The following EBF1 variants were observed in gnomAD, a reference collection of about 807,000 sequenced individuals.
EBF1 encodes the protein EBF transcription factor 1, also known as transcription factor COE1.
A neutral mutation model predicts 68.4 loss-of-function variants in EBF1; 10 were observed. That is an observed-to-expected ratio of 0.15 (90% confidence interval 0.09 to 0.25). EBF1 has a LOEUF of 0.25. Among genes scored for constraint, EBF1 ranks in the 10% least tolerant of loss-of-function variants. The probability of loss-of-function intolerance (pLI) is 1.00; values close to 1 mark genes in which losing one functional copy is unlikely to be tolerated. For missense variants in EBF1, 509 were observed against 794.4 expected, an observed-to-expected ratio of 0.64 and a Z score of 4.32; for synonymous variants, 298 against 299.8, an observed-to-expected ratio of 0.99 and a Z score of 0.06.
intron 10 of EBF1, among the ~76,000 whole-genome samples, chr5:158,767,101 ATAAATAGTTCATGTCCC>A (rs1279177702): frequency 1.3e-5 from 2 of 152,192 alleles, no homozygotes; most frequent in Non-Finnish European, 2.9e-5. Flanking sequence ...AAGCCATGTG[ATAAATAGTTCATGTCCC>A]TTAATAACCA....
intron 11 of EBF1, among the ~76,000 whole-genome samples, chr5:158,720,023 C>T (rs1761596731): frequency 6.6e-6 from 1 of 152,156 alleles, no homozygotes; most frequent in Non-Finnish European, 1.5e-5. Context: ...CCCTGATACC[C>T]ATTTATCACC....
rs1488265048 is a variant in EBF1 at position 158,841,692 on chromosome 5, C to G, written c.555-1582G>C. On this transcript the variant is annotated intron_variant, in intron 6 of 15. Transcript: ENST00000313708. ...GATCCTCTATAACAACAGCACTGCACGAAGACATACAGAGTTCAGCCAATT... is the reference window on the plus strand; with the variant it reads ...GATCCTCTATAACAACAGCACTGCAGGAAGACATACAGAGTTCAGCCAATT... Among the ~76,000 whole-genome samples, 15 of 152,192 alleles carry G rather than the reference C, an allele frequency of 9.9e-5. No homozygotes were observed. In the East Asian group the frequency reaches 1.2e-3, roughly 12 times the overall value.
intron 7 of EBF1, among the ~76,000 whole-genome samples, chr5:158,824,154 G>T (rs553503555): frequency 1.3e-5 from 2 of 152,278 alleles, no homozygotes; most frequent in Non-Finnish European, 2.9e-5. Flanking sequence ...GTTTATTCAT[G>T]CGACCTCTTA....
chr5:159,071,615 C>T (rs1194777191), intron 6 of EBF1, among the ~76,000 whole-genome samples: 2 of 152,052 alleles, frequency 1.3e-5, no homozygotes, highest in Admixed American at 6.6e-5. Flanking sequence ...CTTATGCCAT[C>T]GCAACCCACA....
chr5:158,833,507 C>A (rs1409447606), intron 7 of EBF1, among the ~76,000 whole-genome samples: 1 of 152,124 alleles, frequency 6.6e-6, no homozygotes, highest in Non-Finnish European at 1.5e-5. Flanking sequence ...ACAGCTAGAC[C>A]ATGCAAGCCT....
chr5:158,696,509 G>A lies in EBF1; in HGVS notation c.*2602C>T, dbSNP rs2127448798. 4.5e-6 allele frequency: 1 copy of A among 224,710 alleles called. No homozygotes were observed. The highest frequency in any genetic ancestry group is 2.2e-5 in the African/African-American group (1 of 44,820). The allele number at this position is 224,710 out of a possible 1,614,324, so 13.9% of individuals were successfully genotyped here. Reference sequence around the variant, plus strand: ...TTCATTCCTTCAGAAACAGTTAAGGGGCTCACCAGATAAAATATGGCTTTA... The same window carrying A: ...TTCATTCCTTCAGAAACAGTTAAGGAGCTCACCAGATAAAATATGGCTTTA... On this transcript the variant is annotated 3_prime_UTR_variant, in exon 16 of 16. Coordinates refer to ENST00000313708, the MANE Select transcript of EBF1 (RefSeq NM_024007.5).
chr5:158,921,582 C>A (rs1207270979), intron 6 of EBF1, among the ~76,000 whole-genome samples: 1 of 152,192 alleles, frequency 6.6e-6, no homozygotes, highest in African/African-American at 2.4e-5. Context: ...TTTGTATCAC[C>A]TAATGCAATC....
At chr5:158,838,857 A>T (rs1052605487) in intron 7 of EBF1, among the ~76,000 whole-genome samples, 1 of 150,292 alleles carries the variant, frequency 6.7e-6, no homozygotes. Flanking sequence ...CGTTGCTCTG[A>T]CAGGGAAACT....
chr5:158,787,828 C>G (rs947640430), intron 9 of EBF1, among the ~76,000 whole-genome samples: 2 of 152,218 alleles, frequency 1.3e-5, no homozygotes, highest in African/African-American at 4.8e-5. Context: ...ACTTCTATTA[C>G]TACTCAATCT....
intron 6 of EBF1, among the ~76,000 whole-genome samples, chr5:159,002,670 T>C (rs970660964): frequency 6.6e-6 from 1 of 152,204 alleles, no homozygotes; most frequent in Non-Finnish European, 1.5e-5. Context: ...TTTTTATATA[T>C]ATAGAAAAGG....
chr5:158,831,528 A>G (rs1474037948), intron 7 of EBF1, among the ~76,000 whole-genome samples: 2 of 152,196 alleles, frequency 1.3e-5, no homozygotes, highest in African/African-American at 4.8e-5. Context: ...GTAAGCAATA[A>G]AAGCAAATTT....
At chr5:158,709,089 T>G (rs930977631) in intron 14 of EBF1, among the ~76,000 whole-genome samples, 4 of 152,210 alleles carry the variant, frequency 2.6e-5, no homozygotes, top group African/African-American at 9.6e-5. Context: ...ATCTCTCGGT[T>G]ACTTTAGGAG....
At chr5:159,087,293 C>CAT (rs1344690761) in intron 4 of EBF1, among the ~76,000 whole-genome samples, 2 of 139,220 alleles carry the variant, frequency 1.4e-5, no homozygotes, top group South Asian at 2.3e-4. Flanking sequence ...TATATATACA[C>CAT]ATATATATAT....
At chr5:158,951,582 TAATGGCAGTCA>T (rs1447150593) in intron 6 of EBF1, among the ~76,000 whole-genome samples, 1 of 152,192 alleles carries the variant, frequency 6.6e-6, no homozygotes, top group Non-Finnish European at 1.5e-5. Flanking sequence ...CCATTAATAG[TAATGGCAGTCA>T]AATGCAAAAT....
intron 6 of EBF1, among the ~76,000 whole-genome samples, chr5:158,900,240 G>A (rs1803009557): frequency 6.6e-6 from 1 of 152,212 alleles, no homozygotes; most frequent in Non-Finnish European, 1.5e-5. Context: ...GGATCCAAGA[G>A]GCATATGTGA....
At chr5:158,890,775 G>A (rs932439215) in intron 6 of EBF1, among the ~76,000 whole-genome samples, 1 of 152,152 alleles carries the variant, frequency 6.6e-6, no homozygotes, top group Non-Finnish European at 1.5e-5. Flanking sequence ...ACTTGGGAAT[G>A]GATCACTTTT....
chr5:158,868,295 T>A (rs1418984064), intron 6 of EBF1, among the ~76,000 whole-genome samples: 2 of 152,190 alleles, frequency 1.3e-5, no homozygotes, highest in African/African-American at 4.8e-5. Context: ...TTTCAACTTA[T>A]GTGTTAGAGA....
At chr5:158,751,502 T>G (rs1162409637) in intron 10 of EBF1, among the ~76,000 whole-genome samples, 1 of 152,064 alleles carries the variant, frequency 6.6e-6, no homozygotes, top group Non-Finnish European at 1.5e-5. Flanking sequence ...TTAAAAGACA[T>G]ACGTAGTTAT....
At chr5:158,940,642 G>C (rs1274802862) in intron 6 of EBF1, among the ~76,000 whole-genome samples, 1 of 151,952 alleles carries the variant, frequency 6.6e-6, no homozygotes, top group Non-Finnish European at 1.5e-5. Context: ...AACATTCTCA[G>C]GGAGACATCA....
Sources: allele counts gnomAD v4.1 joint callset (sites outside exome capture counted in the v4.1 genomes callset), GRCh38; gene constraint gnomAD v4.1.1; transcripts MANE v1.5; gene names NCBI Gene and HGNC (gene_info 2026-07-23, HGNC 2026-07-21).